The following RPF2 variants were observed in gnomAD, a reference collection of about 807,000 sequenced individuals.
The protein encoded by RPF2 is ribosome production factor 2 homolog.
In RPF2, 21 loss-of-function variants were observed where a neutral mutation model predicts 38.9. The observed-to-expected ratio is 0.54, with a 90% confidence interval of 0.38 to 0.78. RPF2 has a LOEUF of 0.78. Ranked by LOEUF, RPF2 falls within the 30% of genes least tolerant of loss-of-function variation. The pLI is 0.00. For synonymous variants in RPF2, 121 were observed against 126.2 expected, an observed-to-expected ratio of 0.96 and a Z score of 0.28; for missense variants, 314 against 358.1, an observed-to-expected ratio of 0.88 and a Z score of 0.99.
intron 7 of RPF2, among the ~76,000 whole-genome samples, chr6:111,008,530 A>G (rs1211397688): frequency 1.3e-5 from 2 of 151,980 alleles, no homozygotes; most frequent in African/African-American, 4.8e-5. Flanking sequence ...TATTACTTGT[A>G]TAGTGTTTTA....
chr6:110,986,151 A>C (rs528694857), intron 2 of RPF2, among the ~76,000 whole-genome samples: 1 of 152,292 alleles, frequency 6.6e-6, no homozygotes, highest in African/African-American at 2.4e-5. Context: ...TGGCCAAAGG[A>C]GAGTGGGCTA....
chr6:111,008,177 G>A, intron 7 of RPF2, 40 bp downstream of exon 7: 1 of 1,561,612 alleles, frequency 6.4e-7, no homozygotes, highest in Non-Finnish European at 8.6e-7. Context: ...GGTAGCTCAG[G>A]AAGACAGTCT....
intron 4 of RPF2, among the ~76,000 whole-genome samples, chr6:110,992,132 C>T (rs889549131): frequency 3.3e-5 from 5 of 151,936 alleles, no homozygotes; most frequent in African/African-American, 7.3e-5. Flanking sequence ...CATGGAGAAA[C>T]CCCGTCTCTA....
intron 8 of RPF2, among the ~76,000 whole-genome samples, chr6:111,023,400 TAC>T (rs1218742520): frequency 6.6e-6 from 1 of 152,252 alleles, no homozygotes; most frequent in Non-Finnish European, 1.5e-5. Context: ...GTTTAACTCC[TAC>T]AGTCTTAGAT....
At chr6:111,007,946 CA>C (rs567120964) in intron 6 of RPF2, 91 bp from the exon 7 acceptor site, 130 of 1,283,530 alleles carry the variant, frequency 1.0e-4, no homozygotes, top group Admixed American at 3.3e-4. Context: ...GACTCCATCT[CA>C]AAAAAAATAA....
At chr6:111,013,709 A>G (rs1371759836) in intron 7 of RPF2, among the ~76,000 whole-genome samples, 2 of 152,214 alleles carry the variant, frequency 1.3e-5, no homozygotes, top group Non-Finnish European at 2.9e-5. Flanking sequence ...CTCTGACTTC[A>G]GTAATGCCAC....
intron 6 of RPF2, among the ~76,000 whole-genome samples, chr6:111,002,138 G>A (rs1771820925): frequency 6.6e-6 from 1 of 152,096 alleles, no homozygotes; most frequent in African/African-American, 2.4e-5. Flanking sequence ...AAATTAGCCA[G>A]GCATGGTGGT....
chr6:110,991,835 AT>A, intron 4 of RPF2, 49 bp downstream of exon 4: 3 of 683,524 alleles, frequency 4.4e-6, no homozygotes, highest in Non-Finnish European at 7.0e-6. Context: ...AGTAGTAATT[AT>A]TCAGACTAAT....
intron 7 of RPF2, among the ~76,000 whole-genome samples, chr6:111,010,918 T>C (rs567162527): frequency 2.8e-4 from 42 of 152,292 alleles, no homozygotes; most frequent in South Asian, 1.2e-3. Context: ...ATTTCCCGTA[T>C]TAGTAATAGC....
intron 7 of RPF2, among the ~76,000 whole-genome samples, chr6:111,014,602 C>G (rs1772075956): frequency 6.6e-6 from 1 of 152,224 alleles, no homozygotes; most frequent in Non-Finnish European, 1.5e-5. Flanking sequence ...ACTACATCAC[C>G]TGCCTTGGGC....
At chr6:111,025,235 T>C (rs1396945942) in intron 9 of RPF2, among the ~76,000 whole-genome samples, 168 bp from the exon 10 acceptor site, 1 of 152,218 alleles carries the variant, frequency 6.6e-6, no homozygotes, top group Admixed American at 6.5e-5. Context: ...CCAAGTGATT[T>C]GTATGCACAC....
rs368929713 is a variant in RPF2, at chr6:110,982,073, G to C, written c.-34G>C. ...ACGTAATCGCCGAGGGCACGTGCAT[G>C]CCCCCTGGTTAAGAGTTGCAGGTAG... On this transcript the variant is annotated 5_prime_UTR_variant, in exon 1 of 10. It removes an upstream start codon present in the reference 5' UTR. Coordinates refer to ENST00000441448, the MANE Select transcript of RPF2 (RefSeq NM_032194.3). The C allele has an allele frequency of 2.5e-6, 4 of 1,613,696 alleles. No individual in the cohort carries two copies. Among genetic ancestry groups the C allele is most frequent in the Non-Finnish European group, 3.4e-6 (4 of 1,179,684 alleles).
At chr6:110,982,180 G>A in intron 1 of RPF2, 51 bp downstream of exon 1, 1 of 1,592,050 alleles carries the variant, frequency 6.3e-7, no homozygotes, top group Non-Finnish European at 8.6e-7. Context: ...AAAGGGTCCC[G>A]TGATGAGGGT....
intron 6 of RPF2, 41 bp downstream of exon 6, chr6:110,999,828 C>T (rs1771783111): frequency 4.4e-6 from 5 of 1,126,296 alleles, no homozygotes; most frequent in Middle Eastern, 2.0e-4. Flanking sequence ...TGTAATGCTT[C>T]TCTTGACCAG....
intron 1 of RPF2, among the ~76,000 whole-genome samples, chr6:110,984,031 A>AT: frequency 6.6e-6 from 1 of 152,272 alleles, no homozygotes. Flanking sequence ...TCTGTCTCAA[A>AT]AAAATAAATA....
chr6:110,986,352 T>G (rs1205916058), intron 2 of RPF2, among the ~76,000 whole-genome samples: 1 of 152,192 alleles, frequency 6.6e-6, no homozygotes, highest in South Asian at 2.1e-4. Context: ...GAAGAGCATC[T>G]GGAGTCCAGT....
rs145062192 is a variant in RPF2, at chr6:110,989,048, C to T, written c.177C>T (p.Tyr59=). The part of the protein sequence containing the change: ...LKDVYALKKP[Y]GVLYKKKNIT... Reference sequence around the variant, plus strand: ...TACAGTATGCACTGAAAAAACCATACGGTGTACTATATAAAAAGTAAGTCA... The same window carrying T: ...TACAGTATGCACTGAAAAAACCATATGGTGTACTATATAAAAAGTAAGTCA... The change falls in exon 3 of 10, where the codon TAC becomes TAT. Residue 59 remains tyrosine (Y), a synonymous_variant. Coordinates refer to ENST00000441448, the MANE Select transcript of RPF2 (RefSeq NM_032194.3). 7.6e-5 allele frequency: 121 copies of T among 1,587,924 alleles called. No homozygotes were observed. The highest frequency in any genetic ancestry group is 5.3e-4 in the African/African-American group (39 of 73,596).
rs920375138 is a variant in RPF2 at position 111,024,183 on chromosome 6, G to A, written c.597G>A (p.Lys199=). 4.4e-6 allele frequency: 7 copies of A among 1,588,828 alleles called. No individual in the cohort carries two copies. The highest frequency in any genetic ancestry group is 1.2e-5 in the South Asian group (1 of 86,138). The change falls in exon 9 of 10, where the codon AAG becomes AAA. Residue 199 remains lysine (K), a splice_region_variant and synonymous_variant. Transcript: ENST00000441448. Reference sequence around the variant, plus strand: ...ATTTCTTTTTACCTATTTCCTAAAGGTTGCTGTTGAAGAAATCTGGTTGCA... The same window carrying A: ...ATTTCTTTTTACCTATTTCCTAAAGATTGCTGTTGAAGAAATCTGGTTGCA... ...LNGKIYFRSY[K]LLLKKSGCRT...
At chr6:111,019,739 T>C (rs1331664428) in intron 8 of RPF2, among the ~76,000 whole-genome samples, 1 of 151,764 alleles carries the variant, frequency 6.6e-6, no homozygotes. Flanking sequence ...CATAAAGTAA[T>C]AAAATAAAAT....
Sources: gnomAD v4.1 joint callset for allele counts (sites outside exome capture counted in the v4.1 genomes callset) on GRCh38, gnomAD v4.1.1 for gene constraint, MANE v1.5 for transcripts, NCBI Gene and HGNC (gene_info 2026-07-23, HGNC 2026-07-21) for gene names.